PIEZO1: variants seen among roughly 807,000 people sequenced by gnomAD.
PIEZO1 encodes the protein piezo-type mechanosensitive ion channel component 1.
In PIEZO1, 296 loss-of-function variants were observed where a neutral mutation model predicts 297.2. That is an observed-to-expected ratio of 1.00 (90% CI 0.91 to 1.10). PIEZO1 has a LOEUF of 1.10. Among genes scored for constraint, PIEZO1 ranks in the 50% least tolerant of loss-of-function variants. The probability of loss-of-function intolerance (pLI) is 0.00; values close to 1 mark genes in which losing one functional copy is unlikely to be tolerated. For missense variants in PIEZO1, 5,018 were observed against 3,455.5 expected, an observed-to-expected ratio of 1.45 and a Z score of -11.34; for synonymous variants, 2,427 against 1,507.5, an observed-to-expected ratio of 1.61 and a Z score of -14.13.
intron 19 of PIEZO1, 53 bp from the exon 20 acceptor site, chr16:88,732,785 C>A: frequency 6.7e-7 from 1 of 1,482,934 alleles, no homozygotes; most frequent in South Asian, 1.3e-5. Context: ...TGCCCCCTGG[C>A]CCTGCCCGGA....
chr16:88,759,013 A>T (rs1414738932), intron 1 of PIEZO1, among the ~76,000 whole-genome samples: 2 of 152,218 alleles, frequency 1.3e-5, no homozygotes, highest in East Asian at 3.8e-4. Flanking sequence ...CCTGCAGAAG[A>T]GGTCCTTGGT....
chr16:88,758,936 G>T (rs917511276), intron 1 of PIEZO1, among the ~76,000 whole-genome samples: 3 of 152,348 alleles, frequency 2.0e-5, no homozygotes, highest in African/African-American at 7.2e-5. Context: ...GTGTAAAACT[G>T]AAATTCCACA....
intron 22 of PIEZO1, chr16:88,731,294 G>A: frequency 4.5e-6 from 1 of 221,358 alleles, no homozygotes; most frequent in South Asian, 7.1e-5. Flanking sequence ...GCACTGCCAG[G>A]AGACGGGACC....
rs79917859 is a variant in PIEZO1 at position 88,736,756 on chromosome 16, C to A, written c.1196-17G>T. ...TGGGCCGCACTGCAGGTGGGGACAGCGGTCAGCTTCGGCAGGTTGATCTGC... is the reference window on the plus strand; with the variant it reads ...TGGGCCGCACTGCAGGTGGGGACAGAGGTCAGCTTCGGCAGGTTGATCTGC... On this transcript the variant is annotated splice_polypyrimidine_tract_variant and intron_variant, in intron 10 of 50. Transcript: ENST00000301015. 2.0e-6 allele frequency: 3 copies of A among 1,469,860 alleles called. No individual in the cohort carries two copies. Among genetic ancestry groups the A allele is most frequent in the Non-Finnish European group, 2.7e-6 (3 of 1,096,596 alleles). 91.1% of individuals were successfully genotyped at this position (1,469,860 alleles called of 1,614,324 possible). A position where few individuals can be genotyped will look rare whatever the true frequency, so the allele number is the denominator to read the frequency against.
intron 2 of PIEZO1, among the ~76,000 whole-genome samples, chr16:88,745,906 G>A (rs534787366): frequency 2.6e-5 from 4 of 152,278 alleles, no homozygotes; most frequent in South Asian, 2.1e-4. Context: ...ACCCCGGCAC[G>A]GCCTGCAAAG....
In PIEZO1 at chr16:88,721,844, G is replaced by C. The variant is rs1405210146; in HGVS notation, c.5178C>G (p.Ser1726Arg). Residue 1726 changes from serine (S) to arginine (R), a missense_variant, in exon 37 of 51, where the codon AGC becomes AGG. Coordinates refer to ENST00000301015, the MANE Select transcript of PIEZO1 (RefSeq NM_001142864.4). ...LWAMLSIPRP[S>R]KRFWMTAIVF... Reference sequence around the variant, plus strand: ...CGATGGCCGTCATCCAGAAGCGCTTGCTGGGCCTCGGGATCGACAGCATGG... The same window carrying C: ...CGATGGCCGTCATCCAGAAGCGCTTCCTGGGCCTCGGGATCGACAGCATGG... 1 of 1,549,170 alleles carries C rather than the reference G, an allele frequency of 6.5e-7. No individual in the cohort carries two copies. The highest frequency in any genetic ancestry group is 8.7e-7 in the Non-Finnish European group (1 of 1,146,690).
chr16:88,738,148 G>A, intron 7 of PIEZO1, 43 bp from the exon 8 acceptor site: 1 of 1,534,518 alleles, frequency 6.5e-7, no homozygotes, highest in South Asian at 1.2e-5. Context: ...CCCAGAGGCA[G>A]TGGGGCCACA....
chr16:88,747,534 A>G (rs1328415290), intron 2 of PIEZO1, among the ~76,000 whole-genome samples: 1 of 152,182 alleles, frequency 6.6e-6, no homozygotes, highest in African/African-American at 2.4e-5. Context: ...TAAATAAAAA[A>G]GACCATTGCC....
chr16:88,727,089 C>A lies in PIEZO1; in HGVS notation c.3405G>T (p.Leu1135=). 1 of 1,549,846 alleles carries A rather than the reference C, an allele frequency of 6.5e-7. No individual in the cohort carries two copies. ...QRMAGVNTDR[L]EPLRGEPNPV... is the part of the protein sequence containing the mutation. ...GGTTGGGCTCCCCCCGCAGCGGCTCCAGGCGGTCGGTGTTGACGCCAGCCA... is the reference window on the plus strand; with the variant it reads ...GGTTGGGCTCCCCCCGCAGCGGCTCAAGGCGGTCGGTGTTGACGCCAGCCA... Residue 1135 remains leucine (L), a synonymous_variant, in exon 24 of 51, where the codon CTG becomes CTT. Transcript: ENST00000301015.
rs933747730 is a variant in PIEZO1 at position 88,736,644 on chromosome 16, T to A, written c.1291A>T (p.Met431Leu). 6.6e-6 allele frequency: 10 copies of A among 1,522,930 alleles called. No homozygotes were observed. The Admixed American group carries it at 2.0e-4, about 30-fold the overall frequency. 94.3% of individuals were successfully genotyped at this position (1,522,930 alleles called of 1,614,324 possible). ...CAACCCCCACAGCCGCCTACCATCA[T>A]GGCAATGAGCGCGCACACATAGCTC... is the stretch of plus-strand genomic sequence containing the variant. ...DQSYVCALIA[M>L]MVWSITYHSW... The change falls in exon 11 of 51, where the codon ATG becomes TTG. Residue 431 changes from methionine to leucine, a missense_variant. Met to Leu is a conservative substitution (Grantham distance 15). Coordinates refer to ENST00000301015, the MANE Select transcript of PIEZO1 (RefSeq NM_001142864.4).
intron 1 of PIEZO1, among the ~76,000 whole-genome samples, chr16:88,765,589 G>A (rs933543564): frequency 5.9e-4 from 90 of 152,174 alleles, no homozygotes; most frequent in African/African-American, 2.1e-3. Context: ...TGAGCACCTC[G>A]TATAGCTGGC....
In PIEZO1 at chr16:88,715,575, T is replaced by C. The variant is rs1395025222; in HGVS notation, c.*30A>G. 6.5e-7 allele frequency: 1 copy of C among 1,542,296 alleles called. No homozygotes were observed. Among genetic ancestry groups the C allele is most frequent in the East Asian group, 2.4e-5 (1 of 40,858 alleles). Reference sequence around the variant, plus strand: ...TGGCCACGCTGCCCAGCAGGCCGGCTCCTTCCCTCTCGGGCGCCAGCAGCA... The same window carrying C: ...TGGCCACGCTGCCCAGCAGGCCGGCCCCTTCCCTCTCGGGCGCCAGCAGCA... On this transcript the variant is annotated 3_prime_UTR_variant, in exon 51 of 51. Coordinates refer to ENST00000301015, the MANE Select transcript of PIEZO1 (RefSeq NM_001142864.4).
intron 2 of PIEZO1, among the ~76,000 whole-genome samples, chr16:88,746,188 C>G (rs1305771462): frequency 6.6e-6 from 1 of 151,904 alleles, no homozygotes; most frequent in African/African-American, 2.4e-5. Flanking sequence ...CGAGAGGGGC[C>G]TTTTGAGACA....
intron 2 of PIEZO1, among the ~76,000 whole-genome samples, chr16:88,746,140 C>A (rs1856908752): frequency 6.6e-6 from 1 of 152,196 alleles, no homozygotes; most frequent in Non-Finnish European, 1.5e-5. Flanking sequence ...ATGAGGCCCA[C>A]CCAGCGACAG....
At chr16:88,759,572 G>C (rs1597478876) in intron 1 of PIEZO1, among the ~76,000 whole-genome samples, 1 of 152,224 alleles carries the variant, frequency 6.6e-6, no homozygotes, top group Non-Finnish European at 1.5e-5. Context: ...AGCAGACGTG[G>C]TACAGGCAGC....
In PIEZO1 at chr16:88,734,777, T is replaced by TC; in HGVS notation, c.1869dup (p.Lys624GlufsTer153). On this transcript the variant is annotated frameshift_variant, in exon 15 of 51. Coordinates refer to ENST00000301015, the MANE Select transcript of PIEZO1 (RefSeq NM_001142864.4). LOFTEE classifies it high-confidence loss of function. ...AGCCACCAGAAGGCCTTGAGCAGCT[T>TC]CCGCCACAGGCTGTAGTAGACCTGC... is the stretch of plus-strand genomic sequence containing the variant. 1 of 1,550,266 alleles carries TC rather than the reference T, an allele frequency of 6.5e-7. No homozygotes were observed. Among genetic ancestry groups the TC allele is most frequent in the Non-Finnish European group, 8.7e-7 (1 of 1,146,922 alleles).
intron 11 of PIEZO1, 30 bp downstream of exon 11, chr16:88,736,609 C>T (rs1290294039): frequency 1.3e-6 from 2 of 1,509,222 alleles, no homozygotes; most frequent in Non-Finnish European, 1.8e-6. Flanking sequence ...GCAGAGGGGG[C>T]CGCCCACCCC....
chr16:88,735,751 C>T (rs1321423061), intron 12 of PIEZO1, among the ~76,000 whole-genome samples: 2 of 152,286 alleles, frequency 1.3e-5, no homozygotes, highest in East Asian at 3.8e-4. Context: ...CAGCTTGTCA[C>T]TGAGACCCAG....
intron 1 of PIEZO1, 120 bp from the exon 2 acceptor site, chr16:88,749,599 G>A (rs749377536): frequency 1.6e-5 from 12 of 732,252 alleles, no homozygotes; most frequent in South Asian, 1.5e-4. Flanking sequence ...TGTGAGTGCT[G>A]CCCTGAGCCA....
Sources: allele counts gnomAD v4.1 joint callset (sites outside exome capture counted in the v4.1 genomes callset), GRCh38; gene constraint gnomAD v4.1.1; transcripts MANE v1.5; gene names NCBI Gene and HGNC (gene_info 2026-07-23, HGNC 2026-07-21).